ZFHX3: variants seen among roughly 807,000 people sequenced by gnomAD.
ZFHX3 encodes the protein zinc finger homeobox 3.
Under a neutral mutation model 279.1 loss-of-function variants are expected in ZFHX3, and 42 were observed. The observed-to-expected ratio is 0.15, with a 90% confidence interval of 0.12 to 0.19. The LOEUF (loss-of-function observed/expected upper bound fraction) is 0.19. Ranked by LOEUF, ZFHX3 falls within the 10% of genes least tolerant of loss-of-function variation. ZFHX3 has a pLI of 1.00. For synonymous variants in ZFHX3, 2,293 were observed against 1,957.8 expected (o/e 1.17, Z -4.52); for missense variants, 4,981 against 4,754.0 (o/e 1.05, Z -1.40).
chr16:73,830,501 T>C (rs1960966147), intron 1 of ZFHX3, among the ~76,000 whole-genome samples: 3 of 152,208 alleles, frequency 2.0e-5, no homozygotes, highest in African/African-American at 7.2e-5. Context: ...TGTGGGTACA[T>C]GGGACATGAA....
At chr16:73,304,555 C>G (rs1346866013) in intron 4 of ZFHX3, among the ~76,000 whole-genome samples, 1 of 152,184 alleles carries the variant, frequency 6.6e-6, no homozygotes, top group Non-Finnish European at 1.5e-5. Context: ...GCACATTAGC[C>G]TAAAATATGA....
At chr16:73,240,077 C>T (rs2013074906) in intron 5 of ZFHX3, among the ~76,000 whole-genome samples, 1 of 151,502 alleles carries the variant, frequency 6.6e-6, no homozygotes, top group African/African-American at 2.4e-5. Flanking sequence ...AGTTACTTAA[C>T]ATTGAACTCA....
chr16:73,440,440 T>C (rs2018071597), intron 3 of ZFHX3, among the ~76,000 whole-genome samples: 1 of 152,226 alleles, frequency 6.6e-6, no homozygotes, highest in African/African-American at 2.4e-5. Flanking sequence ...GTCAATCTGC[T>C]TTTTTGAAAA....
intron 2 of ZFHX3, among the ~76,000 whole-genome samples, chr16:73,646,958 A>G (rs2052623376): frequency 6.6e-6 from 1 of 152,104 alleles, no homozygotes; most frequent in Non-Finnish European, 1.5e-5. Flanking sequence ...AGAATCTGAG[A>G]AACAGGAGAT....
At chr16:73,802,589 C>T (rs1406907757) in intron 1 of ZFHX3, among the ~76,000 whole-genome samples, 2 of 152,098 alleles carry the variant, frequency 1.3e-5, no homozygotes, top group African/African-American at 4.8e-5. Context: ...TAATACAGGT[C>T]GCAGCTCTGC....
intron 1 of ZFHX3, among the ~76,000 whole-genome samples, chr16:73,861,113 G>T (rs960793448): frequency 2.1e-4 from 32 of 151,850 alleles, no homozygotes; most frequent in Admixed American, 1.6e-3. Flanking sequence ...ACAGGCAAGT[G>T]CCACCACACC....
intron 3 of ZFHX3, among the ~76,000 whole-genome samples, chr16:73,384,968 G>A (rs746633378): frequency 6.6e-5 from 10 of 152,160 alleles, no homozygotes; most frequent in South Asian, 2.1e-4. Context: ...TGGGACTTTT[G>A]CGGGGACTTC....
At chr16:73,413,098 G>T (rs2017502300) in intron 3 of ZFHX3, among the ~76,000 whole-genome samples, 1 of 152,218 alleles carries the variant, frequency 6.6e-6, no homozygotes, top group Non-Finnish European at 1.5e-5. Context: ...TGGATTACTG[G>T]CGATTATGAA....
intron 1 of ZFHX3, among the ~76,000 whole-genome samples, chr16:73,782,768 G>A (rs145598159): frequency 8.0e-4 from 122 of 152,320 alleles, no homozygotes; most frequent in South Asian, 7.7e-3. Context: ...GTTGTATGCT[G>A]CAAGATGACA....
At chr16:73,024,636 G>A (rs925707966) in intron 1 of ZFHX3, among the ~76,000 whole-genome samples, 1 of 152,186 alleles carries the variant, frequency 6.6e-6, no homozygotes, top group Admixed American at 6.5e-5. Context: ...GCCTTGGGCT[G>A]GTCACCCCTA....
Position 72,796,626 on chromosome 16 carries a change from G to A in ZFHX3, c.6056C>T (p.Ala2019Val), listed in dbSNP as rs2143437084. Residue 2019 changes from alanine (A) to valine (V), a missense_variant, in exon 9 of 10, where the codon GCC (alanine) becomes GTC (valine). Transcript: ENST00000268489. The part of the protein sequence containing the change: ...YFPFKQLERF[A>V]KQYRDHYDKL... ...ATCGTAGTGGTCTCTGTACTGTTTG[G>A]CAAACCTCTCGAGCTGTTTGAAAGG... 6.2e-7 allele frequency: 1 copy of A among 1,614,054 alleles called. No individual in the cohort carries two copies. The highest frequency in any genetic ancestry group is 8.5e-7 in the Non-Finnish European group (1 of 1,180,022).
At chr16:73,312,814 T>C (rs1362079985) in intron 4 of ZFHX3, among the ~76,000 whole-genome samples, 2 of 152,210 alleles carry the variant, frequency 1.3e-5, no homozygotes, top group East Asian at 1.9e-4. Flanking sequence ...GCAATGCCAA[T>C]AATAGTAATA....
rs1233648918 is a variant in ZFHX3 at position 72,798,023 on chromosome 16, A to G, written c.4659T>C (p.Ser1553=). ...RPYKCTVCKE[S]FTQKNILLVH... is the part of the protein sequence containing the mutation. ...CTAGCAGGATATTCTTTTGAGTGAA[A>G]GATTCCTTGCAGACGGTACACTTGT... The change falls in exon 9 of 10, where the codon TCT becomes TCC. Residue 1553 remains serine (S), a synonymous_variant. Coordinates refer to ENST00000268489, the MANE Select transcript of ZFHX3 (RefSeq NM_006885.4). 2 of 1,614,210 alleles carry G rather than the reference A, an allele frequency of 1.2e-6. No individual in the cohort carries two copies. Among genetic ancestry groups the G allele is most frequent in the Non-Finnish European group, 1.7e-6 (2 of 1,180,048 alleles).
intron 1 of ZFHX3, among the ~76,000 whole-genome samples, chr16:73,873,978 A>T (rs1467147323): frequency 1.3e-5 from 2 of 149,386 alleles, no homozygotes; most frequent in African/African-American, 5.0e-5. Flanking sequence ...AAGTAAGAAG[A>T]AAAAAAAAAG....
chr16:73,128,183 G>T (rs1435081920), intron 7 of ZFHX3, among the ~76,000 whole-genome samples: 1 of 152,138 alleles, frequency 6.6e-6, no homozygotes, highest in Non-Finnish European at 1.5e-5. Context: ...GATACAGGGG[G>T]GCTGGGTTTT....
intron 2 of ZFHX3, among the ~76,000 whole-genome samples, chr16:73,667,616 G>A (rs1160315050): frequency 6.6e-6 from 1 of 152,184 alleles, no homozygotes; most frequent in Non-Finnish European, 1.5e-5. Flanking sequence ...TGCTCAAGAA[G>A]ATACTGGTCC....
chr16:73,123,476 C>G (rs1245065521), intron 7 of ZFHX3: 1 of 149,560 alleles, frequency 6.7e-6, no homozygotes, highest in Admixed American at 6.7e-5. Flanking sequence ...AGGTTCCAGG[C>G]ACATAAGTGA....
chr16:73,883,399 ATGTGTGTGTGTGTG>A (rs34914604), intron 1 of ZFHX3, among the ~76,000 whole-genome samples: 1 of 149,068 alleles, frequency 6.7e-6, no homozygotes, highest in Non-Finnish European at 1.5e-5. Flanking sequence ...AGCCATATAT[ATGTGTGTGTGTGTG>A]TGTGTGTGTG....
intron 2 of ZFHX3, among the ~76,000 whole-genome samples, chr16:73,488,413 C>A (rs2019009262): frequency 6.6e-6 from 1 of 152,150 alleles, no homozygotes; most frequent in African/African-American, 2.4e-5. Flanking sequence ...AATAGCAGAG[C>A]CCACATCAGC....
Sources: gnomAD v4.1 joint callset for allele counts (sites outside exome capture counted in the v4.1 genomes callset) on GRCh38, gnomAD v4.1.1 for gene constraint, MANE v1.5 for transcripts, NCBI Gene and HGNC (gene_info 2026-07-23, HGNC 2026-07-21) for gene names.